The following ATPAF1 variants were observed in gnomAD, a reference collection of about 807,000 sequenced individuals.
ATPAF1 encodes ATP synthase mitochondrial F1 complex assembly factor 1.
A neutral mutation model predicts 43.9 loss-of-function variants in ATPAF1; 26 were observed. The ratio of observed to expected loss-of-function variants is 0.59; its 90% CI spans 0.43 to 0.82. ATPAF1 has a LOEUF of 0.82. Ranked by LOEUF, ATPAF1 falls within the 40% of genes least tolerant of loss-of-function variation. ATPAF1 has a pLI of 0.00. For missense variants in ATPAF1, 366 were observed against 435.0 expected (o/e 0.84, Z 1.41); for synonymous variants, 157 against 168.0 (o/e 0.93, Z 0.50).
upstream of ATPAF1, chr1:46,668,511 C>T (rs952998178): frequency 5.4e-6 from 4 of 745,594 alleles, no homozygotes; most frequent in Non-Finnish European, 5.2e-6. This position sits in a 1 kb window ranked among gnomAD's most constrained non-coding sequence, Gnocchi z 4.4. Flanking sequence ...CTGGCCCCGG[C>T]ACTGCGCGCT....
Position 46,658,238 on chromosome 1 carries a change from A to G in ATPAF1, c.427-49T>C, listed in dbSNP as rs201273666. On this transcript the variant is annotated intron_variant, in intron 3 of 8. Transcript: ENST00000574428. ...ATTAACACATAATTAAAAAAAAAAA[A>G]AAACAGCTTAACTCTATCTCTAAGC... The G allele has an allele frequency of 6.4e-5, 91 of 1,415,164 alleles. 1 individual carries two copies. In the African/African-American group the frequency reaches 9.7e-4, roughly 15 times the overall value. The allele number at this position is 1,415,164 out of a possible 1,614,324, so 87.7% of individuals were successfully genotyped here.
At chr1:46,638,655 G>A (rs1033571614) in intron 8 of ATPAF1, among the ~76,000 whole-genome samples, 2 of 151,188 alleles carry the variant, frequency 1.3e-5, no homozygotes, top group Admixed American at 1.3e-4. Flanking sequence ...AAGACCACTA[G>A]TACAGTGAGT....
At chr1:46,663,374 T>G (rs559869611) in intron 2 of ATPAF1, among the ~76,000 whole-genome samples, 54 of 152,282 alleles carry the variant, frequency 3.5e-4, no homozygotes, top group Non-Finnish European at 3.2e-4. Context: ...TTCCACAATG[T>G]TTGAACTAGT....
At chr1:46,649,348 T>C (rs1159852957) in intron 6 of ATPAF1, among the ~76,000 whole-genome samples, 1 of 152,182 alleles carries the variant, frequency 6.6e-6, no homozygotes, top group African/African-American at 2.4e-5. Flanking sequence ...ACCACATATA[T>C]GTTTGTCTAT....
At chr1:46,662,530 G>A (rs921672986) in intron 2 of ATPAF1, among the ~76,000 whole-genome samples, 3 of 150,084 alleles carry the variant, frequency 2.0e-5, no homozygotes, top group South Asian at 2.1e-4. Context: ...AGGTTCAAGC[G>A]ATTCTCCTGC....
At chr1:46,648,309 G>A (rs1438000402) in intron 6 of ATPAF1, among the ~76,000 whole-genome samples, 6 of 151,900 alleles carry the variant, frequency 3.9e-5, no homozygotes, top group South Asian at 2.1e-4. Flanking sequence ...ATGGGTTTTC[G>A]CCATATTGGC....
chr1:46,663,909 G>T, intron 2 of ATPAF1: 1 of 1,284,802 alleles, frequency 7.8e-7, no homozygotes, highest in Non-Finnish European at 1.0e-6. Context: ...ACACCAGTTT[G>T]TTCTGTGCAC....
downstream of ATPAF1, chr1:46,633,465 A>G (rs2148811422): frequency 9.5e-6 from 3 of 315,558 alleles, no homozygotes; most frequent in South Asian, 8.2e-5. Flanking sequence ...GTTCAACAGT[A>G]TAGAGCTAAT....
intron 7 of ATPAF1, 113 bp downstream of exon 7, chr1:46,645,048 T>C: frequency 1.2e-6 from 1 of 801,774 alleles, no homozygotes. Context: ...TGCGCCACAA[T>C]AATAAATGCT....
intron 6 of ATPAF1, among the ~76,000 whole-genome samples, chr1:46,649,778 T>C (rs753579267): frequency 4.0e-5 from 6 of 151,792 alleles, no homozygotes; most frequent in Non-Finnish European, 5.9e-5. Flanking sequence ...TACAAAAAAT[T>C]AGCTGAGCAT....
intron 1 of ATPAF1, chr1:46,665,644 T>C: frequency 6.5e-7 from 1 of 1,533,172 alleles, no homozygotes; most frequent in Non-Finnish European, 8.7e-7. Flanking sequence ...CTCAGGTACT[T>C]ACATTCAGGG....
intron 2 of ATPAF1, 127 bp downstream of exon 2, chr1:46,665,129 G>C (rs1470661801): frequency 2.4e-6 from 2 of 819,006 alleles, no homozygotes; most frequent in Non-Finnish European, 4.0e-6. Flanking sequence ...TGGAAATGGA[G>C]TTGGGAGAGA....
At chr1:46,666,640 T>A (rs372760921) in intron 1 of ATPAF1, among the ~76,000 whole-genome samples, 4 of 152,230 alleles carry the variant, frequency 2.6e-5, no homozygotes, top group Admixed American at 2.0e-4. Flanking sequence ...CCTTTGTTTA[T>A]GTTGCTGCTC....
intron 6 of ATPAF1, among the ~76,000 whole-genome samples, chr1:46,648,113 T>C (rs1229236167): frequency 6.6e-6 from 1 of 152,138 alleles, no homozygotes; most frequent in Non-Finnish European, 1.5e-5. Flanking sequence ...ATCTAATTTA[T>C]TTATTATTAT....
chr1:46,648,479 C>A (rs1397666708), intron 6 of ATPAF1, among the ~76,000 whole-genome samples: 1 of 152,098 alleles, frequency 6.6e-6, no homozygotes. Context: ...ACCTCCACCT[C>A]CAGGGCTCAA....
At chr1:46,640,154 T>C (rs1240541273) in intron 8 of ATPAF1, among the ~76,000 whole-genome samples, 1 of 152,146 alleles carries the variant, frequency 6.6e-6, no homozygotes, top group Non-Finnish European at 1.5e-5. Flanking sequence ...CAGCTTCCAT[T>C]CCATGGTCAA....
At chr1:46,655,717 T>C (rs1032149643) in intron 4 of ATPAF1, among the ~76,000 whole-genome samples, 1 of 152,138 alleles carries the variant, frequency 6.6e-6, no homozygotes, top group African/African-American at 2.4e-5. Flanking sequence ...CTAGAAAGCC[T>C]CTCTCTCCTA....
exon 9 of ATPAF1, chr1:46,635,630 C>T (rs1675822684): frequency 2.9e-6 from 2 of 700,290 alleles, no homozygotes. Context: ...TAGGGCTCAT[C>T]TCTGTGACTG....
At chr1:46,642,002 A>G (rs1675959464) in intron 8 of ATPAF1, among the ~76,000 whole-genome samples, 1 of 152,166 alleles carries the variant, frequency 6.6e-6, no homozygotes, top group Non-Finnish European at 1.5e-5. Context: ...CTACTTGGAT[A>G]TCTAATAGGC....
Sources: gnomAD v4.1 joint callset for allele counts (sites outside exome capture counted in the v4.1 genomes callset) on GRCh38, gnomAD v4.1.1 for gene constraint, Gnocchi (gnomAD v3.1) non-coding constraint, MANE v1.5 for transcripts, NCBI Gene and HGNC (gene_info 2026-07-23, HGNC 2026-07-21) for gene names.